The following TIAM1 variants were observed in gnomAD, a reference collection of about 807,000 sequenced individuals.
TIAM1 encodes TIAM Rac1 associated GEF 1.
A neutral mutation model predicts 163.5 loss-of-function variants in TIAM1; 65 were observed. The observed-to-expected ratio is 0.40, with a 90% CI of 0.33 to 0.49. The LOEUF (loss-of-function observed/expected upper bound fraction) is 0.49, where lower values mean the gene tolerates loss of function less well. Among genes scored for constraint, TIAM1 ranks in the 20% least tolerant of loss-of-function variants. The pLI is 0.77. For missense variants in TIAM1, 1,789 were observed against 2,044.7 expected, an observed-to-expected ratio of 0.87 and a Z score of 2.41; for synonymous variants, 833 against 810.1, an observed-to-expected ratio of 1.03 and a Z score of -0.48.
intron 2 of TIAM1, among the ~76,000 whole-genome samples, chr21:31,431,954 G>A (rs1464217044): frequency 6.6e-6 from 1 of 152,034 alleles, no homozygotes; most frequent in Non-Finnish European, 1.5e-5. Context: ...CCATACACAT[G>A]GCTGCCATCA....
At chr21:31,466,136 A>C (rs775859481) in intron 1 of TIAM1, among the ~76,000 whole-genome samples, 1 of 152,234 alleles carries the variant, frequency 6.6e-6, no homozygotes, top group African/African-American at 2.4e-5. Context: ...ATGGTAAGGC[A>C]GACTTTATTT....
chr21:31,392,416 C>A (rs1232114071), intron 2 of TIAM1, among the ~76,000 whole-genome samples: 1 of 151,630 alleles, frequency 6.6e-6, no homozygotes, highest in African/African-American at 2.4e-5. Context: ...ACTAAAAATT[C>A]AAAATTAGCC....
intron 16 of TIAM1, among the ~76,000 whole-genome samples, chr21:31,161,934 TAA>T: frequency 6.6e-6 from 1 of 152,300 alleles, no homozygotes; most frequent in Non-Finnish European, 1.5e-5. Flanking sequence ...CTTTAAATCA[TAA>T]AAAGAGACAC....
At chr21:31,529,170 C>T (rs912668631) in intron 1 of TIAM1, among the ~76,000 whole-genome samples, 10 of 151,922 alleles carry the variant, frequency 6.6e-5, no homozygotes, top group Non-Finnish European at 1.5e-4. Context: ...CTGCCCACCT[C>T]GGCCTCCCAA....
chr21:31,322,770 C>T lies in TIAM1; in HGVS notation c.-189+16473G>A, dbSNP rs146957785. Among the ~76,000 whole-genome samples the T allele has an allele frequency of 5.3e-3, 801 of 151,832 alleles. 10 individuals carry two copies. The highest frequency in any genetic ancestry group is 0.018 in the African/African-American group (745 of 41,366). On this transcript the variant is annotated intron_variant, in intron 2 of 27. Coordinates refer to ENST00000541036, the MANE Select transcript of TIAM1 (RefSeq NM_001353694.2). ...ATTGAGTTATGGCTGAATATTAGGT[C>T]CCAAACGCAATGACATTTTAAACCT...
rs553364317 is a variant in TIAM1, at chr21:31,279,209, C to T, written c.-188-2301G>A. On this transcript the variant is annotated intron_variant, in intron 2 of 27. Coordinates refer to ENST00000541036, the MANE Select transcript of TIAM1 (RefSeq NM_001353694.2). The stretch of plus-strand genomic sequence containing the variant: ...AACACGAAGGAAAGCAAAACGGAGT[C>T]GATTTGGTATAACTTCTTTCTGACT... Among the ~76,000 whole-genome samples, 10 of 152,148 alleles carry T rather than the reference C, an allele frequency of 6.6e-5. No homozygotes were observed. In the South Asian group the frequency reaches 8.3e-4, roughly 13 times the overall value.
Position 31,165,074 on chromosome 21 carries a change from T to A in TIAM1, c.2888-9A>T. 1.2e-6 allele frequency: 2 copies of A among 1,613,514 alleles called. No individual in the cohort carries two copies. The highest frequency in any genetic ancestry group is 1.7e-6 in the Non-Finnish European group (2 of 1,179,978). ...GCTGCAAAGGCTGTGCCCTGTCAGA[T>A]GAAATCAGAAGAAAATGTGGGTCAA... On this transcript the variant is annotated splice_polypyrimidine_tract_variant and intron_variant, in intron 15 of 27. Transcript: ENST00000541036.
rs776768586 is a variant in TIAM1, at chr21:31,118,678, C to A, written c.*1690G>T. ...TCTGCTTCCGTTTTCCATCTGGACG[C>A]GATCGAACCGGAGATGATATGGAAA... is the stretch of plus-strand genomic sequence containing the variant. On this transcript the variant is annotated 3_prime_UTR_variant, in exon 28 of 28. Transcript: ENST00000541036. The A allele has an allele frequency of 2.1e-6, 1 of 470,430 alleles. No individual in the cohort carries two copies. Among genetic ancestry groups the A allele is most frequent in the South Asian group, 1.6e-5 (1 of 64,388 alleles). 29.1% of individuals were successfully genotyped at this position (470,430 alleles called of 1,614,324 possible).
At chr21:31,359,858 AAGGAAGGG>A (rs1486846796) in intron 2 of TIAM1, among the ~76,000 whole-genome samples, 127 of 95,606 alleles carry the variant, frequency 1.3e-3, no homozygotes, top group Admixed American at 2.7e-3. Context: ...GGAAGGAAGG[AAGGAAGGG>A]AGGGAGGGAG....
intron 2 of TIAM1, among the ~76,000 whole-genome samples, chr21:31,285,170 T>C (rs1346393600): frequency 6.6e-6 from 1 of 151,318 alleles, no homozygotes; most frequent in Admixed American, 6.6e-5. Flanking sequence ...TCAGCTATGA[T>C]TTCATTCCCC....
chr21:31,470,404 G>T (rs1321810615), intron 1 of TIAM1, among the ~76,000 whole-genome samples: 2 of 152,000 alleles, frequency 1.3e-5, no homozygotes, highest in African/African-American at 4.8e-5. Context: ...CACGATCTCG[G>T]CTCACTGCAA....
chr21:31,541,466 G>A (rs2048322094), intron 1 of TIAM1, among the ~76,000 whole-genome samples: 1 of 151,272 alleles, frequency 6.6e-6, no homozygotes, highest in Admixed American at 6.6e-5. Context: ...CAAAAAGAAG[G>A]AAAAAGAAAG....
At position 31,266,373 on chromosome 21, in the gene TIAM1, C is replaced by T. The variant is rs1306871702; in HGVS notation, c.600G>A (p.Leu200=). Residue 200 remains leucine, a synonymous_variant, in exon 4 of 28, where the codon TTG becomes TTA. Coordinates refer to ENST00000541036, the MANE Select transcript of TIAM1 (RefSeq NM_001353694.2). Reference sequence around the variant, plus strand: ...CGCAGTCCTTCTCTTCGGCGGAACCCAAGATTTCTTCGTTGCTTGTTAAAT... The same window carrying T: ...CGCAGTCCTTCTCTTCGGCGGAACCTAAGATTTCTTCGTTGCTTGTTAAAT... ...QEHLTSNEEI[L]GSAEEKDCEE... is the part of the protein sequence containing the mutation. 12 of 1,614,102 alleles carry T rather than the reference C, an allele frequency of 7.4e-6. No individual in the cohort carries two copies. In the South Asian group the frequency reaches 1.3e-4, roughly 18 times the overall value.
At chr21:31,352,896 T>C (rs1602074781) in intron 2 of TIAM1, among the ~76,000 whole-genome samples, 2 of 148,602 alleles carry the variant, frequency 1.3e-5, no homozygotes, top group Non-Finnish European at 1.5e-5. Flanking sequence ...AAAAAGTTGC[T>C]GCTAAAAACA....
chr21:31,387,112 C>T (rs1464389858), intron 2 of TIAM1, among the ~76,000 whole-genome samples: 1 of 151,900 alleles, frequency 6.6e-6, no homozygotes, highest in Non-Finnish European at 1.5e-5. Context: ...CTTCTCTTTT[C>T]CCAGAGATGT....
chr21:31,452,269 C>T (rs1465860130), intron 2 of TIAM1, among the ~76,000 whole-genome samples: 1 of 152,172 alleles, frequency 6.6e-6, no homozygotes, highest in Non-Finnish European at 1.5e-5. Context: ...GAAATCCTGT[C>T]TCTACTAAAA....
intron 14 of TIAM1, among the ~76,000 whole-genome samples, chr21:31,185,271 T>C (rs1395397922): frequency 6.6e-6 from 1 of 151,790 alleles, no homozygotes; most frequent in African/African-American, 2.4e-5. Context: ...ATAGAGTCCC[T>C]GTCCACCTAG....
chr21:31,409,882 C>CT (rs749932701), intron 2 of TIAM1, among the ~76,000 whole-genome samples: 217 of 145,458 alleles, frequency 1.5e-3, no homozygotes, highest in Middle Eastern at 0.011. Context: ...TTAAGGAGGC[C>CT]TTTTTTTTTT....
chr21:31,442,070 A>AAAAAAAAAT (rs1555982215), intron 2 of TIAM1, among the ~76,000 whole-genome samples: 1,916 of 53,224 alleles, frequency 0.036, 208 homozygotes, highest in African/African-American at 0.12. Context: ...CAAATAAATA[A>AAAAAAAAAT]ATATATATAT....
Sources: allele counts gnomAD v4.1 joint callset (sites outside exome capture counted in the v4.1 genomes callset), GRCh38; gene constraint gnomAD v4.1.1; transcripts MANE v1.5; gene names NCBI Gene and HGNC (gene_info 2026-07-23, HGNC 2026-07-21).